SCN3A: variants seen among roughly 807,000 people sequenced by gnomAD.
The protein encoded by SCN3A is sodium channel protein type 3 subunit alpha.
Under a neutral mutation model 187.6 loss-of-function variants are expected in SCN3A, and 60 were observed. The observed-to-expected ratio is 0.32, with a 90% CI of 0.26 to 0.40. The LOEUF (loss-of-function observed/expected upper bound fraction) is 0.40. Among genes scored for constraint, SCN3A ranks in the 10% least tolerant of loss-of-function variants. SCN3A has a pLI of 1.00. For synonymous variants in SCN3A, 788 were observed against 829.2 expected, an observed-to-expected ratio of 0.95 and a Z score of 0.85; for missense variants, 1,601 against 2,428.2, an observed-to-expected ratio of 0.66 and a Z score of 7.16.
intron 2 of SCN3A, among the ~76,000 whole-genome samples, chr2:165,182,529 G>A (rs1238238167): frequency 6.6e-6 from 1 of 152,126 alleles, no homozygotes; most frequent in Non-Finnish European, 1.5e-5. Flanking sequence ...ACAGCCAGAG[G>A]AGTGTATTTA....
chr2:165,101,210 A>G (rs1456916772), intron 21 of SCN3A, among the ~76,000 whole-genome samples: 1 of 152,248 alleles, frequency 6.6e-6, no homozygotes, highest in Admixed American at 6.5e-5. Flanking sequence ...CTGACATAGA[A>G]CGAATATTCC....
In SCN3A at chr2:165,087,941, A is replaced by G. The variant is rs1684911067; in HGVS notation, c.*2209T>C. 1 of 152,132 alleles carries G rather than the reference A, an allele frequency of 6.6e-6. No homozygotes were observed. The highest frequency in any genetic ancestry group is 2.1e-4 in the South Asian group (1 of 4,828). The allele number at this position is 152,132 out of a possible 1,614,324, so 9.4% of individuals were successfully genotyped here. A position where few individuals can be genotyped will look rare whatever the true frequency, so the allele number is the denominator to read the frequency against. ...GTGAACTTGATCCTTTGCACACATA[A>G]AAGTTCACAAAGCTGCTTTTAATTT... On this transcript the variant is annotated 3_prime_UTR_variant, in exon 28 of 28. Coordinates refer to ENST00000283254, the MANE Select transcript of SCN3A (RefSeq NM_006922.4).
At chr2:165,107,614 C>T (rs1314753995) in intron 21 of SCN3A, among the ~76,000 whole-genome samples, 6 of 152,228 alleles carry the variant, frequency 3.9e-5, no homozygotes. Flanking sequence ...TCATTCACCA[C>T]CACTTATACG....
chr2:165,162,297 A>G lies in SCN3A; in HGVS notation c.1031+11T>C. 2 of 1,605,972 alleles carry G rather than the reference A, an allele frequency of 1.2e-6. No homozygotes were observed. Among genetic ancestry groups the G allele is most frequent in the Admixed American group, 3.4e-5 (2 of 58,984 alleles). ...AGTTCTATATCTTAAAAAATATATTATGTTTCTTACCCTGCATCTGAGCCA... is the reference window on the plus strand; with the variant it reads ...AGTTCTATATCTTAAAAAATATATTGTGTTTCTTACCCTGCATCTGAGCCA... On this transcript the variant is annotated intron_variant, in intron 9 of 27. Coordinates refer to ENST00000283254, the MANE Select transcript of SCN3A (RefSeq NM_006922.4).
chr2:165,171,927 C>T (rs1179441559), intron 3 of SCN3A, among the ~76,000 whole-genome samples: 1 of 151,992 alleles, frequency 6.6e-6, no homozygotes, highest in East Asian at 1.9e-4. Context: ...GTGGGTTTAC[C>T]TTAAAGATAC....
Position 165,154,578 on chromosome 2 carries a change from C to G in SCN3A, c.1254G>C (p.Leu418Phe). 6.2e-7 allele frequency: 1 copy of G among 1,614,092 alleles called. No individual in the cohort carries two copies. Among genetic ancestry groups the G allele is most frequent in the Non-Finnish European group, 8.5e-7 (1 of 1,180,002 alleles). Reference sequence around the variant, plus strand: ...AGGCCATGGCCACCACAGCCAGGATCAAATTCACCAAATAAAATGAGCCCA... The same window carrying G: ...AGGCCATGGCCACCACAGCCAGGATGAAATTCACCAAATAAAATGAGCCCA... The part of the protein sequence containing the change: ...IFLGSFYLVN[L>F]ILAVVAMAYE... The change falls in exon 11 of 28, where the codon TTG becomes TTC. Residue 418 changes from leucine to phenylalanine, a missense_variant. Leu to Phe is a conservative substitution (Grantham distance 22). Coordinates refer to ENST00000283254, the MANE Select transcript of SCN3A (RefSeq NM_006922.4).
chr2:165,092,554 A>T lies in SCN3A; in HGVS notation c.4537-30T>A. ...AAAGTGAGAGAAGAGAAATAAGGTT[A>T]CTATATATATTTCATAAAGAATAAT... On this transcript the variant is annotated intron_variant, in intron 26 of 27. Coordinates refer to ENST00000283254, the MANE Select transcript of SCN3A (RefSeq NM_006922.4). This position sits in a 1 kb window ranked among gnomAD's most constrained non-coding sequence, Gnocchi z 4.2. The T allele has an allele frequency of 1.9e-6, 3 of 1,589,234 alleles. No individual in the cohort carries two copies. Among genetic ancestry groups the T allele is most frequent in the Non-Finnish European group, 2.6e-6 (3 of 1,157,810 alleles).
intron 2 of SCN3A, among the ~76,000 whole-genome samples, chr2:165,185,992 C>A (rs1691203622): frequency 6.6e-6 from 1 of 152,092 alleles, no homozygotes; most frequent in Non-Finnish European, 1.5e-5. Flanking sequence ...AACTCAGTTG[C>A]TGGGCGCGAT....
chr2:165,161,913 T>G (rs1689421269), intron 9 of SCN3A, among the ~76,000 whole-genome samples: 1 of 152,184 alleles, frequency 6.6e-6, no homozygotes, highest in African/African-American at 2.4e-5. Context: ...CACATTATAG[T>G]CTGGGTCTTT....
intron 21 of SCN3A, among the ~76,000 whole-genome samples, chr2:165,100,705 A>G (rs2105661632): frequency 6.6e-6 from 1 of 152,300 alleles, no homozygotes; most frequent in East Asian, 1.9e-4. Flanking sequence ...ACTTGTGCAT[A>G]TACCACTGAT....
intron 3 of SCN3A, among the ~76,000 whole-genome samples, chr2:165,174,298 C>G (rs1042219440): frequency 6.6e-6 from 1 of 152,160 alleles, no homozygotes; most frequent in Non-Finnish European, 1.5e-5. Flanking sequence ...TTTCTTCAAG[C>G]AGGTTTAGGG....
chr2:165,196,929 T>C (rs192757073), intron 1 of SCN3A, among the ~76,000 whole-genome samples: 1 of 152,214 alleles, frequency 6.6e-6, no homozygotes, highest in East Asian at 1.9e-4. Context: ...GATAGCAATT[T>C]GTAAGTAAGA....
intron 11 of SCN3A, among the ~76,000 whole-genome samples, chr2:165,148,648 ATATT>A (rs903106747): frequency 6.6e-6 from 1 of 152,064 alleles, no homozygotes; most frequent in African/African-American, 2.4e-5. Flanking sequence ...AAAATGTAAC[ATATT>A]TATTTATATT....
At chr2:165,094,301 C>T in intron 26 of SCN3A, 73 bp downstream of exon 26, 1 of 1,057,332 alleles carries the variant, frequency 9.5e-7, no homozygotes, top group African/African-American at 1.6e-5. Flanking sequence ...ATATGTTCTG[C>T]TCCAGAGCAT....
chr2:165,116,775 A>G (rs1356318088), intron 18 of SCN3A, among the ~76,000 whole-genome samples: 1 of 152,086 alleles, frequency 6.6e-6, no homozygotes, highest in Non-Finnish European at 1.5e-5. Context: ...GTGTTACTTT[A>G]AAGTTGATAT....
chr2:165,094,316 CAATTTGACCATA>C, intron 26 of SCN3A, 46 bp downstream of exon 26: 1 of 1,209,376 alleles, frequency 8.3e-7, no homozygotes, highest in Middle Eastern at 1.9e-4. Context: ...GAGCATTGCT[CAATTTGACCATA>C]TGGACGCATG....
chr2:165,159,347 GTTGTT>G (rs538433187), intron 9 of SCN3A, among the ~76,000 whole-genome samples: 1 of 136,546 alleles, frequency 7.3e-6, no homozygotes, highest in Non-Finnish European at 1.5e-5. Context: ...ACACTGGTTT[GTTGTT>G]TTGTTTTGTT....
chr2:165,125,191 G>A (rs1367705573), intron 18 of SCN3A, among the ~76,000 whole-genome samples: 2 of 152,044 alleles, frequency 1.3e-5, no homozygotes, highest in East Asian at 3.9e-4. Flanking sequence ...TTTGCTTTCT[G>A]ATAATGTATA....
At chr2:165,187,134 A>T (rs1345238400) in intron 1 of SCN3A, among the ~76,000 whole-genome samples, 1 of 152,126 alleles carries the variant, frequency 6.6e-6, no homozygotes, top group Non-Finnish European at 1.5e-5. Context: ...TCAAAGACCA[A>T]AGAGGTAGAC....
Sources: gnomAD v4.1 joint callset for allele counts (sites outside exome capture counted in the v4.1 genomes callset) on GRCh38, gnomAD v4.1.1 for gene constraint, Gnocchi (gnomAD v3.1) non-coding constraint, MANE v1.5 for transcripts, NCBI Gene and HGNC (gene_info 2026-07-23, HGNC 2026-07-21) for gene names.